IL1RAPL2: variants seen among roughly 807,000 people sequenced by gnomAD.
The protein encoded by IL1RAPL2 is X-linked interleukin-1 receptor accessory protein-like 2.
IL1RAPL2 carries 3 observed loss-of-function variants against 44.1 expected under a neutral mutation model. That is an observed-to-expected ratio of 0.07 (90% CI 0.03 to 0.18). The LOEUF is 0.18. Among genes scored for constraint, IL1RAPL2 ranks in the 10% least tolerant of loss-of-function variants. The probability of loss-of-function intolerance (pLI) is 1.00; values close to 1 mark genes in which losing one functional copy is unlikely to be tolerated. For missense variants in IL1RAPL2, 391 were observed against 496.4 expected, an observed-to-expected ratio of 0.79 and a Z score of 2.02; for synonymous variants, 181 against 178.8, an observed-to-expected ratio of 1.01 and a Z score of -0.10.
chrX:105,164,873 A>C (rs1333843302), intron 2 of IL1RAPL2, among the ~76,000 whole-genome samples: 2 of 112,063 alleles, frequency 1.8e-5, no homozygotes, highest in Non-Finnish European at 3.8e-5. Flanking sequence ...CGTCATTTTA[A>C]ATCACTTTGA....
intron 5 of IL1RAPL2, among the ~76,000 whole-genome samples, chrX:105,437,004 A>T (rs768818476): frequency 2.0e-5 from 2 of 99,843 alleles, no homozygotes; most frequent in South Asian, 4.4e-4. Context: ...CTGAAACTAA[A>T]CTCATTGTAA....
chrX:105,726,744 C>G (rs946257415), intron 7 of IL1RAPL2, among the ~76,000 whole-genome samples: 2 of 110,908 alleles, frequency 1.8e-5, no homozygotes, highest in Non-Finnish European at 3.8e-5. Context: ...AGTTAACCCC[C>G]ATTTTTTCCA....
At chrX:104,898,896 T>A (rs1478093538) in intron 2 of IL1RAPL2, among the ~76,000 whole-genome samples, 2 of 112,606 alleles carry the variant, frequency 1.8e-5, no homozygotes, top group Non-Finnish European at 3.8e-5. Flanking sequence ...GTCAATTCCT[T>A]TTTTGTTGAG....
At chrX:104,947,659 T>C (rs1925423127) in intron 2 of IL1RAPL2, among the ~76,000 whole-genome samples, 1 of 109,454 alleles carries the variant, frequency 9.1e-6, no homozygotes, top group Admixed American at 9.8e-5. Context: ...CCCAGCACCA[T>C]TTATTAAATA....
At chrX:105,024,266 C>T (rs1242982868) in intron 2 of IL1RAPL2, among the ~76,000 whole-genome samples, 1 of 111,626 alleles carries the variant, frequency 9.0e-6, no homozygotes, top group Non-Finnish European at 1.9e-5. Flanking sequence ...TTCTGCCCAT[C>T]ATACAATTTT....
At chrX:105,732,869 A>T (rs760421871) in intron 7 of IL1RAPL2, among the ~76,000 whole-genome samples, 12 of 111,545 alleles carry the variant, frequency 1.1e-4, no homozygotes, top group Non-Finnish European at 2.3e-4. Context: ...TAATTACCAA[A>T]TACATGATTG....
chrX:105,582,142 A>G (rs935007281), intron 6 of IL1RAPL2, among the ~76,000 whole-genome samples: 7 of 111,992 alleles, frequency 6.3e-5, no homozygotes, highest in Non-Finnish European at 9.4e-5. Context: ...AAACTTAGAT[A>G]AGTTCTGATA....
chrX:105,193,225 A>G (rs1338451829), intron 2 of IL1RAPL2, among the ~76,000 whole-genome samples: 2 of 111,710 alleles, frequency 1.8e-5, no homozygotes, highest in African/African-American at 6.5e-5. Context: ...TTTTTTTTCT[A>G]TCAAGTAGGT....
At chrX:105,014,102 A>C (rs960643738) in intron 2 of IL1RAPL2, among the ~76,000 whole-genome samples, 1 of 111,913 alleles carries the variant, frequency 8.9e-6, no homozygotes, top group Non-Finnish European at 1.9e-5. Flanking sequence ...ATAAATGAGA[A>C]AGGATGATTT....
intron 1 of IL1RAPL2, among the ~76,000 whole-genome samples, chrX:104,638,587 A>G (rs1180536660): frequency 8.9e-6 from 1 of 111,764 alleles, no homozygotes; most frequent in East Asian, 2.8e-4. Flanking sequence ...ACATTTTTTG[A>G]TTTACATCTT....
At chrX:104,911,915 T>C (rs1361616338) in intron 2 of IL1RAPL2, among the ~76,000 whole-genome samples, 2 of 111,663 alleles carry the variant, frequency 1.8e-5, no homozygotes, top group Non-Finnish European at 3.8e-5. Context: ...AAATAAATCT[T>C]CTCCGTATTC....
intron 5 of IL1RAPL2, among the ~76,000 whole-genome samples, chrX:105,358,709 A>C (rs1476624630): frequency 1.8e-5 from 2 of 109,695 alleles, no homozygotes; most frequent in African/African-American, 3.3e-5. Flanking sequence ...AAACAAAAAA[A>C]AAAAAAGAAA....
At chrX:104,950,740 G>A (rs1437906197) in intron 2 of IL1RAPL2, among the ~76,000 whole-genome samples, 9 of 108,259 alleles carry the variant, frequency 8.3e-5, no homozygotes, top group Admixed American at 5.9e-4. Flanking sequence ...ACGGAGTCTC[G>A]CTGTCGCCCA....
intron 2 of IL1RAPL2, among the ~76,000 whole-genome samples, chrX:105,018,822 T>A (rs1267781134): frequency 8.9e-6 from 1 of 111,744 alleles, no homozygotes; most frequent in Non-Finnish European, 1.9e-5. Context: ...ACTAACTCAC[T>A]TTTCATTCCC....
At chrX:105,706,497 G>A (rs927905573) in intron 6 of IL1RAPL2, among the ~76,000 whole-genome samples, 1 of 111,530 alleles carries the variant, frequency 9.0e-6, no homozygotes, top group Non-Finnish European at 1.9e-5. Flanking sequence ...AAGGCTGAGT[G>A]ACTAGAATAG....
chrX:104,855,681 G>GTGTTTTTTGTTTTTTTTTTTTTTTTTT, intron 2 of IL1RAPL2, among the ~76,000 whole-genome samples: 1 of 53,880 alleles, frequency 1.9e-5, no homozygotes, highest in African/African-American at 6.1e-5. Context: ...ATCTGGATCC[G>GTGTTTTTTGTTTTTTTTTTTTTTTTTT]TTTTTTTTTT....
intron 5 of IL1RAPL2, among the ~76,000 whole-genome samples, chrX:105,303,966 C>A (rs969644427): frequency 8.9e-6 from 1 of 112,727 alleles, no homozygotes; most frequent in African/African-American, 3.2e-5. Context: ...GAAACCATTT[C>A]TCTGCTGCAA....
At chrX:105,653,908 C>G (rs2037658831) in intron 6 of IL1RAPL2, among the ~76,000 whole-genome samples, 1 of 110,636 alleles carries the variant, frequency 9.0e-6, no homozygotes, top group Admixed American at 9.6e-5. Context: ...TTTGAGTCTC[C>G]TTTGTGATTG....
intron 5 of IL1RAPL2, among the ~76,000 whole-genome samples, chrX:105,303,788 G>A (rs2034714272): frequency 8.9e-6 from 1 of 112,086 alleles, no homozygotes; most frequent in South Asian, 3.7e-4. Context: ...CTTCCAATTG[G>A]GGAAAATCCC....
Sources: gnomAD v4.1 joint callset for allele counts (sites outside exome capture counted in the v4.1 genomes callset) on GRCh38, gnomAD v4.1.1 for gene constraint, MANE v1.5 for transcripts, NCBI Gene and HGNC (gene_info 2026-07-23, HGNC 2026-07-21) for gene names.